Variants in COL15A1 observed in about 807,000 individuals in gnomAD.
The protein encoded by COL15A1 is collagen alpha-1(XV) chain.
COL15A1 carries 111 observed loss-of-function variants against 165.9 expected under a neutral mutation model. The ratio of observed to expected loss-of-function variants is 0.67; its 90% confidence interval spans 0.57 to 0.78. COL15A1 has a LOEUF of 0.78. Among genes scored for constraint, COL15A1 ranks in the 30% least tolerant of loss-of-function variants. The pLI is 0.00. For synonymous variants in COL15A1, 659 were observed against 674.8 expected (o/e 0.98, Z 0.36); for missense variants, 1,745 against 1,789.7 (o/e 0.98, Z 0.45).
intron 41 of COL15A1, 136 bp downstream of exon 41, chr9:99,068,806 A>G (rs1346312902): frequency 7.0e-6 from 4 of 571,328 alleles, no homozygotes; most frequent in Non-Finnish European, 9.1e-6. Flanking sequence ...TGAGGGCCTC[A>G]GAGAAAGCCT....
In COL15A1 at chr9:98,985,815, C is replaced by T. The variant is rs1162328634; in HGVS notation, c.351C>T (p.Val117=). 1.1e-5 allele frequency: 17 copies of T among 1,614,026 alleles called. No individual in the cohort carries two copies. Among genetic ancestry groups the T allele is most frequent in the Non-Finnish European group, 1.4e-5 (17 of 1,180,046 alleles). The change falls in exon 3 of 42, where the codon GTC becomes GTT. Residue 117 remains valine, a synonymous_variant. Coordinates refer to ENST00000375001, the MANE Select transcript of COL15A1 (RefSeq NM_001855.5). ...LFAITDAFQK[V]IYLGLRLSGV... ...CCATCACTGACGCCTTCCAGAAGGT[C>T]ATCTACCTGGGCCTGCGGCTCTCAG... is the stretch of plus-strand genomic sequence containing the variant.
intron 38 of COL15A1, 133 bp from the exon 39 acceptor site, chr9:99,062,917 A>G (rs1301712245): frequency 5.9e-6 from 6 of 1,024,738 alleles, no homozygotes; most frequent in Non-Finnish European, 8.2e-6. Context: ...TACAGTTAAG[A>G]GTCACAGTTA....
intron 26 of COL15A1, among the ~76,000 whole-genome samples, chr9:99,045,571 C>T (rs1343739207): frequency 2.0e-5 from 3 of 152,228 alleles, no homozygotes; most frequent in Non-Finnish European, 4.4e-5. Flanking sequence ...CTCTATGGGT[C>T]AGACTGTACT....
At chr9:98,992,618 C>G (rs1229218137) in intron 5 of COL15A1, among the ~76,000 whole-genome samples, 1 of 152,242 alleles carries the variant, frequency 6.6e-6, no homozygotes, top group Non-Finnish European at 1.5e-5. Context: ...GCCGAGGAGG[C>G]ACTGAGGGCG....
At chr9:99,015,590 C>T in intron 10 of COL15A1, 24 bp downstream of exon 10, 1 of 1,610,076 alleles carries the variant, frequency 6.2e-7, no homozygotes, top group Non-Finnish European at 8.5e-7. Context: ...TGTGTCCTCT[C>T]TGGCTCACAG....
intron 19 of COL15A1, among the ~76,000 whole-genome samples, chr9:99,035,924 T>G (rs1166503059): frequency 6.6e-6 from 1 of 152,126 alleles, no homozygotes; most frequent in East Asian, 1.9e-4. Flanking sequence ...AGCTGAGCCC[T>G]TCAGTCTAGC....
rs190541013 is a variant in COL15A1 at position 99,007,590 on chromosome 9, C to T, written c.1353+2540C>T. ...TCTCATGCCCTACAAGAGAAAATAG[C>T]GGGAGGGAGAAAAACAACAAATAAA... On this transcript the variant is annotated intron_variant, in intron 9 of 41. Coordinates refer to ENST00000375001, the MANE Select transcript of COL15A1 (RefSeq NM_001855.5). 5.2e-3 allele frequency among the ~76,000 whole-genome samples: 783 copies of T among 151,892 alleles called. 12 individuals carry two copies. The highest frequency in any genetic ancestry group is 0.031 in the Admixed American group (475 of 15,264).
intron 9 of COL15A1, among the ~76,000 whole-genome samples, chr9:99,005,894 C>T (rs1053614138): frequency 6.6e-6 from 1 of 152,224 alleles, no homozygotes; most frequent in African/African-American, 2.4e-5. Flanking sequence ...CCCTTCCCTG[C>T]AGACCCAGCT....
intron 9 of COL15A1, among the ~76,000 whole-genome samples, chr9:99,013,830 G>A (rs1454099236): frequency 1.3e-5 from 2 of 152,168 alleles, no homozygotes; most frequent in Non-Finnish European, 2.9e-5. Context: ...TACTTTAAGG[G>A]GTTTGAGTCA....
At chr9:98,991,667 T>C (rs1211779925) in intron 5 of COL15A1, among the ~76,000 whole-genome samples, 1 of 152,170 alleles carries the variant, frequency 6.6e-6, no homozygotes, top group East Asian at 1.9e-4. Context: ...TTGATGCATT[T>C]ACAATCCTCT....
At chr9:99,034,972 T>G (rs111581734) in intron 17 of COL15A1, 42 bp from the exon 18 acceptor site, 11 of 1,578,422 alleles carry the variant, frequency 7.0e-6, no homozygotes, top group Non-Finnish European at 9.6e-6. Flanking sequence ...CTTCCATGAG[T>G]GAACCCAGGG....
intron 26 of COL15A1, among the ~76,000 whole-genome samples, chr9:99,045,305 C>G (rs772846972): frequency 4.0e-4 from 61 of 152,208 alleles, no homozygotes; most frequent in Non-Finnish European, 8.1e-4. Flanking sequence ...AGGAACCCCA[C>G]AAAACCTCTC....
chr9:99,047,437 T>C (rs1165446929), intron 26 of COL15A1, among the ~76,000 whole-genome samples: 1 of 152,148 alleles, frequency 6.6e-6, no homozygotes, highest in Non-Finnish European at 1.5e-5. Flanking sequence ...CAGAGGTCCA[T>C]GTTCTGGGCT....
chr9:99,006,949 G>A (rs1306593103), intron 9 of COL15A1, among the ~76,000 whole-genome samples: 2 of 152,222 alleles, frequency 1.3e-5, no homozygotes, highest in Non-Finnish European at 2.9e-5. Flanking sequence ...CTGTGACACA[G>A]CCTCAGGAGG....
chr9:98,992,168 C>A (rs1838449457), intron 5 of COL15A1, among the ~76,000 whole-genome samples: 1 of 152,260 alleles, frequency 6.6e-6, no homozygotes, highest in Admixed American at 6.5e-5. Flanking sequence ...GGGGCGGTCC[C>A]CGTCAGGGAG....
chr9:99,015,305 A>G, intron 9 of COL15A1, 112 bp from the exon 10 acceptor site: 1 of 728,094 alleles, frequency 1.4e-6, no homozygotes, highest in Non-Finnish European at 2.4e-6. Context: ...AAAGGGAATC[A>G]TGGAGCCTCC....
At chr9:99,046,485 G>A (rs529232227) in intron 26 of COL15A1, among the ~76,000 whole-genome samples, 48 of 152,290 alleles carry the variant, frequency 3.2e-4, no homozygotes, top group Admixed American at 2.0e-3. Context: ...GAAATACCAA[G>A]ACTAGATAAT....
chr9:98,985,452 G>C, intron 2 of COL15A1, 113 bp from the exon 3 acceptor site: 2 of 1,068,994 alleles, frequency 1.9e-6, no homozygotes, highest in Non-Finnish European at 2.6e-6. Flanking sequence ...AGGAACTACA[G>C]TTTCAGTGGG....
In COL15A1 at chr9:99,068,986, C is replaced by T. The variant is rs552025901; in HGVS notation, c.3953+316C>T. 1.1e-3 allele frequency among the ~76,000 whole-genome samples: 162 copies of T among 152,328 alleles called. 1 individual carries two copies. The highest frequency in any genetic ancestry group is 6.8e-3 in the Middle Eastern group (2 of 294). On this transcript the variant is annotated intron_variant, in intron 41 of 41. Coordinates refer to ENST00000375001, the MANE Select transcript of COL15A1 (RefSeq NM_001855.5). The stretch of plus-strand genomic sequence containing the variant: ...AATATATGTGAAAACATATAGCACG[C>T]AGTGGGCACATAATAAGTGGTAAGC...
Sources: gnomAD v4.1 joint callset for allele counts (sites outside exome capture counted in the v4.1 genomes callset) on GRCh38, gnomAD v4.1.1 for gene constraint, MANE v1.5 for transcripts, NCBI Gene and HGNC (gene_info 2026-07-23, HGNC 2026-07-21) for gene names.